Variants in SASH1 observed in about 807,000 individuals in gnomAD.
SASH1 encodes SAM and SH3 domain containing 1.
In SASH1, 44 loss-of-function variants were observed where a neutral mutation model predicts 125.2. The observed-to-expected ratio is 0.35, with a 90% CI of 0.28 to 0.45. SASH1 has a LOEUF of 0.45. Ranked by LOEUF, SASH1 falls within the 20% of genes least tolerant of loss-of-function variation. The probability of loss-of-function intolerance (pLI) is 1.00; values close to 1 mark genes in which losing one functional copy is unlikely to be tolerated. For synonymous variants in SASH1, 639 were observed against 649.1 expected (o/e 0.98, Z 0.24); for missense variants, 1,426 against 1,614.5 (o/e 0.88, Z 2.00).
At chr6:148,376,795 G>A (rs1782913062) in intron 1 of SASH1, among the ~76,000 whole-genome samples, 1 of 151,998 alleles carries the variant, frequency 6.6e-6, no homozygotes, top group South Asian at 2.1e-4. Context: ...TTGAGCCCAG[G>A]AATTCGAGGT....
At chr6:148,465,609 G>A (rs1168326632) in intron 4 of SASH1, among the ~76,000 whole-genome samples, 1 of 151,788 alleles carries the variant, frequency 6.6e-6, no homozygotes, top group African/African-American at 2.4e-5. Context: ...TACATATGGG[G>A]CTCCCTGTCC....
intron 1 of SASH1, among the ~76,000 whole-genome samples, chr6:148,349,332 G>A (rs117158873): frequency 0.087 from 11,595 of 133,894 alleles, 719 homozygotes; most frequent in East Asian, 0.33. Flanking sequence ...GCGCGATCTC[G>A]GCTCACTGCA....
At chr6:148,307,191 T>C (rs796731283) in intron 1 of SASH1, among the ~76,000 whole-genome samples, 25 of 152,062 alleles carry the variant, frequency 1.6e-4, no homozygotes, top group African/African-American at 6.0e-4. Context: ...CAATCTTGGC[T>C]CACTGCAACC....
intron 1 of SASH1, among the ~76,000 whole-genome samples, chr6:148,345,207 T>G (rs1456203751): frequency 6.6e-6 from 1 of 152,138 alleles, no homozygotes; most frequent in Non-Finnish European, 1.5e-5. Context: ...TAAATGAAAC[T>G]TGGGCTGAGG....
chr6:148,298,012 A>AT (rs1470111946), intron 1 of SASH1, among the ~76,000 whole-genome samples: 50 of 112,074 alleles, frequency 4.5e-4, no homozygotes, highest in African/African-American at 1.1e-3. Flanking sequence ...TATTATATAT[A>AT]TATTTTTTTT....
Position 148,387,621 on chromosome 6 carries a change from T to TC in SASH1, c.157-2513_157-2512insC, listed in dbSNP as rs1562371218. The stretch of plus-strand genomic sequence containing the variant: ...CTTTCTTTCTTTCTTTCTTTCTTTC[T>TC]TTCTTTCTTTCTTTCTTTCTTTCTT... On this transcript the variant is annotated intron_variant, in intron 1 of 19. Coordinates refer to ENST00000367467, the MANE Select transcript of SASH1 (RefSeq NM_015278.5). Among the ~76,000 whole-genome samples the TC allele has an allele frequency of 5.5e-4, 29 of 52,980 alleles. 4 individuals carry two copies. Among genetic ancestry groups the TC allele is most frequent in the Admixed American group, 1.3e-3 (5 of 3,912 alleles). 34.8% of individuals were successfully genotyped at this position (52,980 alleles called of 152,430 possible).
the SASH1 span, among the ~76,000 whole-genome samples, chr6:148,222,437 C>A: frequency 6.6e-6 from 1 of 152,024 alleles, no homozygotes; most frequent in Non-Finnish European, 1.5e-5. Context: ...GAGATTGGGG[C>A]TGCACCCTCA....
chr6:148,456,891 T>TAATA (rs1415242778), intron 4 of SASH1, among the ~76,000 whole-genome samples: 1 of 149,108 alleles, frequency 6.7e-6, no homozygotes, highest in Non-Finnish European at 1.5e-5. Context: ...ATAATAATAA[T>TAATA]AATAATAATA....
intron 2 of SASH1, among the ~76,000 whole-genome samples, chr6:148,399,786 T>TTTGGCCAGGGC (rs143397176): frequency 2.0e-4 from 31 of 152,028 alleles, no homozygotes; most frequent in Non-Finnish European, 3.2e-4. Flanking sequence ...GTATCCAGGG[T>TTTGGCCAGGGC]TTGGCCAGGG....
At chr6:148,296,644 T>C (rs974135199) in intron 1 of SASH1, among the ~76,000 whole-genome samples, 1 of 152,202 alleles carries the variant, frequency 6.6e-6, no homozygotes, top group Non-Finnish European at 1.5e-5. Flanking sequence ...CGCTGCTCTG[T>C]CCGACTCAAA....
the SASH1 span, among the ~76,000 whole-genome samples, chr6:148,199,974 G>A: frequency 8.5e-5 from 13 of 152,126 alleles, no homozygotes; most frequent in Non-Finnish European, 1.8e-4. Flanking sequence ...CACCCTGAGA[G>A]CCAGAATCTG....
chr6:148,512,399 G>A, intron 8 of SASH1: 1 of 836,468 alleles, frequency 1.2e-6, no homozygotes, highest in Non-Finnish European at 1.4e-6. Flanking sequence ...AGAATTGCTT[G>A]GCTTTTGAGC....
At chr6:148,210,995 C>A in the SASH1 span, among the ~76,000 whole-genome samples, 855 of 152,276 alleles carry the variant, frequency 5.6e-3, 9 homozygotes, top group African/African-American at 0.019. Flanking sequence ...CAGTCTAACT[C>A]TGTTATCCAT....
At chr6:148,405,904 T>A (rs1436729880) in intron 2 of SASH1, among the ~76,000 whole-genome samples, 1 of 152,222 alleles carries the variant, frequency 6.6e-6, no homozygotes, top group Non-Finnish European at 1.5e-5. Context: ...AACTTTAAAG[T>A]GCAACTTGTT....
intron 2 of SASH1, among the ~76,000 whole-genome samples, chr6:148,433,482 C>T (rs1776150833): frequency 6.7e-6 from 1 of 148,700 alleles, no homozygotes; most frequent in Non-Finnish European, 1.5e-5. Flanking sequence ...TCTCTGCTCA[C>T]TGCAACCCCT....
At chr6:148,398,332 A>T (rs1002605167) in intron 2 of SASH1, among the ~76,000 whole-genome samples, 2 of 152,224 alleles carry the variant, frequency 1.3e-5, no homozygotes, top group African/African-American at 4.8e-5. Flanking sequence ...TCACGCAGAC[A>T]TGCGCACATA....
chr6:148,251,798 C>T, the SASH1 span, among the ~76,000 whole-genome samples: 1 of 151,482 alleles, frequency 6.6e-6, no homozygotes, highest in Non-Finnish European at 1.5e-5. Flanking sequence ...TCATCATTTA[C>T]ATTAGGTATA....
intron 7 of SASH1, among the ~76,000 whole-genome samples, chr6:148,484,293 A>G (rs1455737796): frequency 3.3e-5 from 5 of 152,120 alleles, no homozygotes; most frequent in Non-Finnish European, 7.4e-5. Flanking sequence ...TGAGAAAACA[A>G]TGAGATTTGG....
intron 1 of SASH1, among the ~76,000 whole-genome samples, chr6:148,322,166 C>T (rs1386247741): frequency 6.6e-6 from 1 of 152,092 alleles, no homozygotes; most frequent in Non-Finnish European, 1.5e-5. Context: ...GCCTGGCCAA[C>T]ATGGTGAAAC....
Sources: gnomAD v4.1 joint callset for allele counts (sites outside exome capture counted in the v4.1 genomes callset) on GRCh38, gnomAD v4.1.1 for gene constraint, MANE v1.5 for transcripts, NCBI Gene and HGNC (gene_info 2026-07-23, HGNC 2026-07-21) for gene names.